Variants in NOTCH4 observed in about 807,000 individuals in gnomAD.
NOTCH4 encodes the protein notch receptor 4, also known as neurogenic locus notch homolog protein 4.
NOTCH4 carries 138 observed loss-of-function variants against 189.0 expected under a neutral mutation model. That is an observed-to-expected ratio of 0.73 (90% confidence interval 0.64 to 0.84). The LOEUF (loss-of-function observed/expected upper bound fraction) is 0.84, where lower values mean the gene tolerates loss of function less well. Ranked by LOEUF, NOTCH4 falls within the 40% of genes least tolerant of loss-of-function variation. The probability of loss-of-function intolerance (pLI) is 0.00; values close to 1 mark genes in which losing one functional copy is unlikely to be tolerated. For synonymous variants in NOTCH4, 942 were observed against 1,032.8 expected, an observed-to-expected ratio of 0.91 and a Z score of 1.69; for missense variants, 2,286 against 2,605.4, an observed-to-expected ratio of 0.88 and a Z score of 2.67.
Position 32,214,038 on chromosome 6 carries a change from G to T in NOTCH4, c.2167+72C>A, listed in dbSNP as rs958564778. On this transcript the variant is annotated intron_variant, in intron 13 of 29. Coordinates refer to ENST00000375023, the MANE Select transcript of NOTCH4 (RefSeq NM_004557.4). ...TAGTGGTGACTGAGACTCAGGGCCC[G>T]TGGTCGCCTGCCTTACCCTTGACAT... 17 of 1,529,824 alleles carry T rather than the reference G, an allele frequency of 1.1e-5. No homozygotes were observed. The South Asian group carries it at 1.9e-4, about 17-fold the overall frequency. The allele number at this position is 1,529,824 out of a possible 1,614,324, so 94.8% of individuals were successfully genotyped here.
chr6:32,213,266 G>T lies in NOTCH4; in HGVS notation c.2321-14C>A. On this transcript the variant is annotated splice_polypyrimidine_tract_variant and intron_variant, in intron 14 of 29. Transcript: ENST00000375023. ...TGAAGCACGGGGCTGGAGAGAGGAG[G>T]CTGTGAGGGTTTGGGTTCCTTGCCT... The T allele has an allele frequency of 6.3e-7, 1 of 1,591,642 alleles. No individual in the cohort carries two copies. Among genetic ancestry groups the T allele is most frequent in the Non-Finnish European group, 8.6e-7 (1 of 1,160,416 alleles).
At chr6:32,223,331 T>C (rs952284221) in intron 1 of NOTCH4, among the ~76,000 whole-genome samples, 11 of 151,976 alleles carry the variant, frequency 7.2e-5, no homozygotes, top group Non-Finnish European at 1.2e-4. Flanking sequence ...AGCCTCGGAC[T>C]CCATCTCTCG....
In NOTCH4 at chr6:32,215,295, C is replaced by A; in HGVS notation, c.1952G>T (p.Cys651Phe). The A allele has an allele frequency of 6.2e-7, 1 of 1,607,904 alleles. No homozygotes were observed. The highest frequency in any genetic ancestry group is 2.2e-5 in the East Asian group (1 of 44,766). Residue 651 changes from cysteine to phenylalanine, a missense_variant, in exon 12 of 30, where the codon TGT becomes TTT. Physicochemically the swap from Cys to Phe is radical, Grantham distance 205. This residue lies in a region of NOTCH4 where 1,903 missense variants were observed against 2,261.9 expected (regional missense o/e 0.84). Coordinates refer to ENST00000375023, the MANE Select transcript of NOTCH4 (RefSeq NM_004557.4). ...GGCACAGCCAGGGCTTCCATCAGGA[C>A]AGAGGCAGTTGGCCTTGTCTTTCTG... The part of the protein sequence containing the change: ...KDQKDKANCL[C>F]PDGSPGCAPP...
At position 32,197,453 on chromosome 6, in the gene NOTCH4, G is replaced by C. The variant is rs2127461313; in HGVS notation, c.4898C>G (p.Thr1633Ser). The C allele has an allele frequency of 1.3e-6, 2 of 1,574,644 alleles. No homozygotes were observed. The highest frequency in any genetic ancestry group is 1.7e-6 in the Non-Finnish European group (2 of 1,160,578). ...GACPQAHTVG[T>S]GETPLHLAAR... Reference sequence around the variant, plus strand: ...AGCCAGGTGCAGGGGGGTCTCCCCAGTGCCCACGGTGTGAGCCTGGGGACA... The same window carrying C: ...AGCCAGGTGCAGGGGGGTCTCCCCACTGCCCACGGTGTGAGCCTGGGGACA... Residue 1633 changes from threonine to serine, a missense_variant, in exon 27 of 30, where the codon ACT becomes AGT. By Grantham distance (58) the Thr-to-Ser change is moderately conservative. Coordinates refer to ENST00000375023, the MANE Select transcript of NOTCH4 (RefSeq NM_004557.4).
At position 32,204,257 on chromosome 6, in the gene NOTCH4, C is replaced by T. The variant is rs945552711; in HGVS notation, c.2998G>A (p.Gly1000Arg). 6.2e-7 allele frequency: 1 copy of T among 1,613,062 alleles called. No homozygotes were observed. Residue 1000 changes from glycine to arginine, a missense_variant, in exon 19 of 30, where the codon GGG becomes AGG. Gly to Arg is a moderately radical substitution (Grantham distance 125, BLOSUM62 -2). Coordinates refer to ENST00000375023, the MANE Select transcript of NOTCH4 (RefSeq NM_004557.4). Reference sequence around the variant, plus strand: ...TCCACGTCTCCCTCACAGCGTAGCCCCACAAAGCCTGGAGGGCAGGCACAG... The same window carrying T: ...TCCACGTCTCCCTCACAGCGTAGCCTCACAAAGCCTGGAGGGCAGGCACAG... ...FHCACPPGFV[G>R]LRCEGDVDEC...
Position 32,199,276 on chromosome 6 carries a change from A to G in NOTCH4, c.4316-131T>C, listed in dbSNP as rs1788185307. The G allele has an allele frequency of 2.9e-6, 2 of 679,706 alleles. No homozygotes were observed. Among genetic ancestry groups the G allele is most frequent in the Non-Finnish European group, 2.4e-6 (1 of 413,400 alleles). The allele number at this position is 679,706 out of a possible 1,614,324, so 42.1% of individuals were successfully genotyped here. A position where few individuals can be genotyped will look rare whatever the true frequency, so the allele number is the denominator to read the frequency against. The stretch of plus-strand genomic sequence containing the variant: ...TTATCTGCAAAATGGGGATGATAAT[A>G]TAGATTGAGGTTGGGCACAGTGGCT... On this transcript the variant is annotated intron_variant, in intron 23 of 29. Coordinates refer to ENST00000375023, the MANE Select transcript of NOTCH4 (RefSeq NM_004557.4). This position sits in a 1 kb window ranked among gnomAD's most constrained non-coding sequence, Gnocchi z 4.9.
chr6:32,202,859 G>T lies in NOTCH4; in HGVS notation c.3232-260C>A, dbSNP rs1295757640. On this transcript the variant is annotated intron_variant, in intron 20 of 29. Transcript: ENST00000375023. This position sits in a 1 kb window ranked among gnomAD's most constrained non-coding sequence, Gnocchi z 5.7. ...CAACCTGATGGACTGTGGCATTACA[G>T]TGCAAGTCCTAGAAGACTAAACAGT... 7.2e-6 allele frequency: 3 copies of T among 419,134 alleles called. No homozygotes were observed. The highest frequency in any genetic ancestry group is 1.3e-5 in the Non-Finnish European group (3 of 236,234). 26.0% of individuals were successfully genotyped at this position (419,134 alleles called of 1,614,324 possible).
chr6:32,207,831 G>A (rs998705722), intron 18 of NOTCH4, among the ~76,000 whole-genome samples: 2 of 150,630 alleles, frequency 1.3e-5, no homozygotes, highest in East Asian at 2.0e-4. Flanking sequence ...GTGAAACCCC[G>A]TCTCTACTAA....
At chr6:32,215,104 A>T in intron 12 of NOTCH4, 122 bp downstream of exon 12, 1 of 939,438 alleles carries the variant, frequency 1.1e-6, no homozygotes, top group Non-Finnish European at 1.5e-6. Flanking sequence ...GAACTTTGCC[A>T]TCTCCTTCCT....
Position 32,202,100 on chromosome 6 carries a change from T to A in NOTCH4, c.3731A>T (p.Asp1244Val). Residue 1244 changes from aspartate (D) to valine (V), a missense_variant, in exon 21 of 30, where the codon GAC (aspartate) becomes GTC (valine). By Grantham distance (152) the Asp-to-Val change is radical (BLOSUM62 -3). This residue lies in a region of NOTCH4 where 1,903 missense variants were observed against 2,261.9 expected (regional missense o/e 0.84). Transcript: ENST00000375023. This position sits in a 1 kb window ranked among gnomAD's most constrained non-coding sequence, Gnocchi z 5.7. Reference protein sequence around the residue: ...DSEECLFDGYDCETPPACTPA... With the variant: ...DSEECLFDGYVCETPPACTPA... ...CGTGCAGGCTGGAGGGGTCTCACAG[T>A]CGTAGCCATCAAACAGACACTCTTC... 1 of 1,489,062 alleles carries A rather than the reference T, an allele frequency of 6.7e-7. No individual in the cohort carries two copies. The highest frequency in any genetic ancestry group is 1.4e-5 in the African/African-American group (1 of 71,364). The allele number at this position is 1,489,062 out of a possible 1,614,324, so 92.2% of individuals were successfully genotyped here.
Position 32,210,842 on chromosome 6 carries a change from G to C in NOTCH4, c.2775C>G (p.Ser925Arg), listed in dbSNP as rs146595228. The C allele has an allele frequency of 2.5e-5, 41 of 1,612,902 alleles. No individual in the cohort carries two copies. The highest frequency in any genetic ancestry group is 4.0e-5 in the African/African-American group (3 of 74,940). Residue 925 changes from serine (S) to arginine (R), a missense_variant, in exon 18 of 30, where the codon AGC becomes AGG. Physicochemically the swap from Ser to Arg is moderately radical, Grantham distance 110. Transcript: ENST00000375023. This position sits in a 1 kb window ranked among gnomAD's most constrained non-coding sequence, Gnocchi z 4.8. ...ATGGGTTCACGTGATCCTGGCACAGGCTGCCTTGGAATCCAGGGGGGCAGT... is the reference window on the plus strand; with the variant it reads ...ATGGGTTCACGTGATCCTGGCACAGCCTGCCTTGGAATCCAGGGGGGCAGT... ...FCHCPPGFQG[S>R]LCQDHVNPCE...
Position 32,197,428 on chromosome 6 carries a change from A to G in NOTCH4, c.4923T>C (p.Ala1641=). ...VGTGETPLHL[A]ARFSRPTAAR... The stretch of plus-strand genomic sequence containing the variant: ...CAGCGGTTGGCCGGGAGAATCGGGC[A>G]GCCAGGTGCAGGGGGGTCTCCCCAG... Residue 1641 remains alanine (A), a synonymous_variant, in exon 27 of 30, where the codon GCT becomes GCC. Transcript: ENST00000375023. 1 of 1,548,558 alleles carries G rather than the reference A, an allele frequency of 6.5e-7. No individual in the cohort carries two copies. The highest frequency in any genetic ancestry group is 8.7e-7 in the Non-Finnish European group (1 of 1,148,014).
Position 32,201,107 on chromosome 6 carries a change from A to C in NOTCH4, c.4139+10T>G, listed in dbSNP as rs1012093044. ...TGGTGTCTGGCCCTTCCCTCCACCT[A>C]GCTTCTTACCCAGCACTGAGGGAGT... On this transcript the variant is annotated intron_variant, in intron 22 of 29. Coordinates refer to ENST00000375023, the MANE Select transcript of NOTCH4 (RefSeq NM_004557.4). This position sits in a 1 kb window ranked among gnomAD's most constrained non-coding sequence, Gnocchi z 5.5. 54 of 1,600,248 alleles carry C rather than the reference A, an allele frequency of 3.4e-5. No homozygotes were observed. Among genetic ancestry groups the C allele is most frequent in the Non-Finnish European group, 4.3e-5 (51 of 1,173,346 alleles).
Position 32,201,787 on chromosome 6 carries a change from G to T in NOTCH4, c.3756-287C>A. On this transcript the variant is annotated intron_variant, in intron 21 of 29. Coordinates refer to ENST00000375023, the MANE Select transcript of NOTCH4 (RefSeq NM_004557.4). This position sits in a 1 kb window ranked among gnomAD's most constrained non-coding sequence, Gnocchi z 5.5. ...TCCCTCTGTGAGGTGCTGACTGCTA[G>T]GGGAAATACTCCATGGCAGCAAGGC... The T allele has an allele frequency of 2.4e-6, 1 of 413,018 alleles. No individual in the cohort carries two copies. Among genetic ancestry groups the T allele is most frequent in the Non-Finnish European group, 4.2e-6 (1 of 236,820 alleles). The allele number at this position is 413,018 out of a possible 1,614,324, so 25.6% of individuals were successfully genotyped here. A position where few individuals can be genotyped will look rare whatever the true frequency, so the allele number is the denominator to read the frequency against.
rs754917359 is a variant in NOTCH4, at chr6:32,196,392, C to G, written c.5230G>C (p.Val1744Leu). The G allele has an allele frequency of 6.2e-7, 1 of 1,613,118 alleles. No homozygotes were observed. The highest frequency in any genetic ancestry group is 8.5e-7 in the Non-Finnish European group (1 of 1,180,032). ...GAGCGGGCGGCTCGGGCGTTGTTCA[C>G]GGCAGCAGCCCAGTGCAGCGCAGTT... ...GKTALHWAAA[V>L]NNARAARSLL... The change falls in exon 29 of 30, where the codon GTG (valine) becomes CTG (leucine). Residue 1744 changes from valine (V) to leucine (L), a missense_variant. This residue lies in a region of NOTCH4 where 1,903 missense variants were observed against 2,261.9 expected (regional missense o/e 0.84). Coordinates refer to ENST00000375023, the MANE Select transcript of NOTCH4 (RefSeq NM_004557.4).
chr6:32,203,735 G>T (rs1379644577), intron 20 of NOTCH4, 35 bp downstream of exon 20: 1 of 1,475,880 alleles, frequency 6.8e-7, no homozygotes. Context: ...GTCAGCATAG[G>T]GGGCAACAGA....
At chr6:32,219,570 C>G in intron 8 of NOTCH4, 22 bp downstream of exon 8, 1 of 1,607,770 alleles carries the variant, frequency 6.2e-7, no homozygotes, top group Non-Finnish European at 8.5e-7. Context: ...TTTCCCCACC[C>G]AAGGCCCCAT....
Position 32,218,020 on chromosome 6 carries a change from G to C in NOTCH4, c.1599C>G (p.Asn533Lys), listed in dbSNP as rs180689955. The C allele has an allele frequency of 7.4e-6, 12 of 1,613,528 alleles. No homozygotes were observed. In the African/African-American group the frequency reaches 1.1e-4, roughly 14 times the overall value. The change falls in exon 9 of 30, where the codon AAC becomes AAG. Residue 533 changes from asparagine (N) to lysine (K), a missense_variant. Transcript: ENST00000375023. ...CAGGCAGGCAGATGCACTGGAAGCC[G>C]TTGAGCAGGTCATGGCAATCCGCGT... ...LNHADCHDLL[N>K]GFQCICLPGF...
chr6:32,201,176 C>CTCCTAGTT lies in NOTCH4; in HGVS notation c.4079_4080insAACTAGGA (p.Glu1361ThrfsTer100), dbSNP rs1561918912. ...GCTGCGTTTGAGGGGCTGCTCTCTC[C>CTCCTAGTT]TGATAGGTGGGGTCCCGAGTTCCTC... On this transcript the variant is annotated frameshift_variant, in exon 22 of 30. Coordinates refer to ENST00000375023, the MANE Select transcript of NOTCH4 (RefSeq NM_004557.4). LOFTEE classifies it high-confidence loss of function. This position sits in a 1 kb window ranked among gnomAD's most constrained non-coding sequence, Gnocchi z 5.5. 1.1e-5 allele frequency: 17 copies of CTCCTAGTT among 1,612,790 alleles called. No individual in the cohort carries two copies. The highest frequency in any genetic ancestry group is 1.4e-5 in the Non-Finnish European group (17 of 1,179,946).
Sources: gnomAD v4.1 joint callset for allele counts (sites outside exome capture counted in the v4.1 genomes callset) on GRCh38, gnomAD v4.1.1 for gene constraint, gnomAD v4.1.1 regional missense constraint, Gnocchi (gnomAD v3.1) non-coding constraint, MANE v1.5 for transcripts, NCBI Gene and HGNC (gene_info 2026-07-23, HGNC 2026-07-21) for gene names.